The following SUGCT variants were observed in gnomAD, a reference collection of about 807,000 sequenced individuals.
SUGCT encodes the protein succinyl-CoA:glutarate-CoA transferase.
SUGCT carries 41 observed loss-of-function variants against 55.0 expected under a neutral mutation model. The observed-to-expected ratio is 0.74, with a 90% CI of 0.58 to 0.97. The LOEUF (loss-of-function observed/expected upper bound fraction) is 0.97, where lower values mean the gene tolerates loss of function less well. Among genes scored for constraint, SUGCT ranks in the 50% least tolerant of loss-of-function variants. The probability of loss-of-function intolerance (pLI) is 0.00; values close to 1 mark genes in which losing one functional copy is unlikely to be tolerated. For missense variants in SUGCT, 568 were observed against 547.8 expected (o/e 1.04, Z -0.37); for synonymous variants, 187 against 200.4 (o/e 0.93, Z 0.56).
chr7:40,135,864 C>T (rs1787659229), intron 1 of SUGCT, among the ~76,000 whole-genome samples: 1 of 152,168 alleles, frequency 6.6e-6, no homozygotes, highest in Non-Finnish European at 1.5e-5. Context: ...GCCATATTGG[C>T]CAGGCTGGTC....
intron 8 of SUGCT, among the ~76,000 whole-genome samples, chr7:40,304,541 G>A (rs1443546927): frequency 1.3e-5 from 2 of 151,154 alleles, no homozygotes; most frequent in Non-Finnish European, 2.9e-5. Context: ...CCCATCACCT[G>A]AGCAGTGTAC....
chr7:40,323,515 G>A (rs961618461), intron 9 of SUGCT, among the ~76,000 whole-genome samples: 3 of 151,986 alleles, frequency 2.0e-5, no homozygotes, highest in South Asian at 4.2e-4. Context: ...TCAGCCTCCC[G>A]AGTAATAGCT....
chr7:40,297,169 CA>C (rs2151069393), intron 8 of SUGCT, among the ~76,000 whole-genome samples: 1 of 152,154 alleles, frequency 6.6e-6, no homozygotes, highest in Non-Finnish European at 1.5e-5. Flanking sequence ...CTCTTCTGTC[CA>C]TGTTCACCTT....
chr7:40,319,601 A>G (rs1795618443), intron 9 of SUGCT, among the ~76,000 whole-genome samples: 1 of 152,182 alleles, frequency 6.6e-6, no homozygotes, highest in South Asian at 2.1e-4. Flanking sequence ...CATGTCATGT[A>G]AATTTCAGAA....
chr7:40,200,175 C>A (rs554164111), intron 6 of SUGCT, among the ~76,000 whole-genome samples: 5 of 152,228 alleles, frequency 3.3e-5, no homozygotes, highest in Non-Finnish European at 7.4e-5. Flanking sequence ...CCCTTTCCTA[C>A]CCCCAAACAA....
chr7:41,013,017 AAT>A, the SUGCT span, among the ~76,000 whole-genome samples: 1,821 of 147,846 alleles, frequency 0.012, 17 homozygotes, highest in African/African-American at 0.033. Context: ...CTCTGATTTA[AAT>A]ATATATATAT....
intron 12 of SUGCT, among the ~76,000 whole-genome samples, chr7:40,728,475 C>A (rs1306279379): frequency 6.6e-6 from 1 of 152,100 alleles, no homozygotes; most frequent in Non-Finnish European, 1.5e-5. Context: ...GTCGAGATTG[C>A]ACCTTTCACT....
chr7:40,829,348 T>G (rs1038257819), intron 13 of SUGCT, among the ~76,000 whole-genome samples: 1 of 152,208 alleles, frequency 6.6e-6, no homozygotes, highest in African/African-American at 2.4e-5. Context: ...TGCCATACAC[T>G]GTTGCTCTAA....
intron 8 of SUGCT, among the ~76,000 whole-genome samples, chr7:40,314,738 A>G (rs1405656381): frequency 6.8e-6 from 1 of 147,052 alleles, no homozygotes. Context: ...CTAATTTTGT[A>G]TTTGTAGTAG....
chr7:41,027,515 C>T, the SUGCT span, among the ~76,000 whole-genome samples: 1 of 152,128 alleles, frequency 6.6e-6, no homozygotes, highest in Non-Finnish European at 1.5e-5. Context: ...CCTGGATATG[C>T]ATAATGTTCT....
At chr7:40,761,929 T>C (rs1788552171) in intron 13 of SUGCT, among the ~76,000 whole-genome samples, 1 of 152,236 alleles carries the variant, frequency 6.6e-6, no homozygotes, top group East Asian at 1.9e-4. Context: ...GGGTTCTTTC[T>C]GCTATGACAG....
chr7:40,415,104 CTATCTATCTATA>C (rs1159749315), intron 9 of SUGCT, among the ~76,000 whole-genome samples: 36 of 146,156 alleles, frequency 2.5e-4, no homozygotes, highest in African/African-American at 9.1e-4. Context: ...ATCTATCTAT[CTATCTATCTATA>C]TAAAATTAGC....
chr7:40,802,163 T>C (rs1790854764), intron 13 of SUGCT, among the ~76,000 whole-genome samples: 1 of 152,168 alleles, frequency 6.6e-6, no homozygotes, highest in Non-Finnish European at 1.5e-5. Context: ...GGGAACATTA[T>C]GGAAGCCTCA....
the SUGCT span, among the ~76,000 whole-genome samples, chr7:40,955,662 A>G: frequency 2.0e-5 from 3 of 152,294 alleles, no homozygotes; most frequent in East Asian, 5.8e-4. Context: ...CAGAATTTCA[A>G]ATACTATGTT....
At chr7:40,840,070 T>G (rs2128788147) in intron 13 of SUGCT, among the ~76,000 whole-genome samples, 1 of 152,258 alleles carries the variant, frequency 6.6e-6, no homozygotes, top group East Asian at 1.9e-4. Flanking sequence ...TTTATCAAAG[T>G]GTGAAACTGA....
chr7:40,265,724 A>AC (rs1791526728), intron 7 of SUGCT, among the ~76,000 whole-genome samples: 2 of 152,254 alleles, frequency 1.3e-5, no homozygotes, highest in South Asian at 4.1e-4. Context: ...GGATGTTGAG[A>AC]CAGGCAGATC....
intron 1 of SUGCT, among the ~76,000 whole-genome samples, chr7:40,176,907 A>G (rs927037776): frequency 5.0e-4 from 70 of 138,862 alleles, no homozygotes; most frequent in African/African-American, 1.5e-3. Flanking sequence ...TGGGAAGCGG[A>G]GATTGCAGTG....
At chr7:40,883,009 CT>C in the SUGCT span, among the ~76,000 whole-genome samples, 2 of 152,192 alleles carry the variant, frequency 1.3e-5, no homozygotes, top group Non-Finnish European at 2.9e-5. Context: ...TCCTAGGACT[CT>C]TTTGCTGCCT....
intron 1 of SUGCT, chr7:40,152,669 G>T (rs765763806): frequency 2.1e-4 from 38 of 179,752 alleles, no homozygotes; most frequent in Non-Finnish European, 3.6e-4. Flanking sequence ...AAACTCCCGT[G>T]GTCAAACACT....
Sources: gnomAD v4.1 joint callset for allele counts (sites outside exome capture counted in the v4.1 genomes callset) on GRCh38, gnomAD v4.1.1 for gene constraint, MANE v1.5 for transcripts, NCBI Gene and HGNC (gene_info 2026-07-23, HGNC 2026-07-21) for gene names.